The following ZNF83 variants were observed in gnomAD, a reference collection of about 807,000 sequenced individuals.
ZNF83 encodes zinc finger protein 816B.
For synonymous variants in ZNF83, 209 were observed against 213.0 expected, an observed-to-expected ratio of 0.98 and a Z score of 0.17; for missense variants, 552 against 629.9, an observed-to-expected ratio of 0.88 and a Z score of 1.32.
chr19:52,624,050 C>G (rs1273356657), intron 2 of ZNF83, among the ~76,000 whole-genome samples: 1 of 152,138 alleles, frequency 6.6e-6, no homozygotes, highest in Admixed American at 6.5e-5. Context: ...TGGACTGACA[C>G]TGACACTCAT....
rs1283960667 is a variant in ZNF83, at chr19:52,630,663, A to G, written c.-234+4403T>C. 7.9e-5 allele frequency among the ~76,000 whole-genome samples: 12 copies of G among 151,774 alleles called. No homozygotes were observed. In the East Asian group the frequency reaches 2.3e-3, roughly 29 times the overall value. ...CTCTCGTATCCCCCCACCTTAACCC[A>G]CAAGTATGGGACATCTCCACTCCTT... On this transcript the variant is annotated intron_variant, in intron 2 of 2. Coordinates refer to ENST00000301096, the Ensembl canonical transcript of ZNF83.
intron 3 of ZNF83, chr19:52,654,006 A>C: frequency 6.5e-7 from 1 of 1,528,034 alleles, no homozygotes; most frequent in Non-Finnish European, 9.1e-7. Context: ...GCCTACAAGA[A>C]ATTCTTTGGG....
intron 2 of ZNF83, among the ~76,000 whole-genome samples, chr19:52,660,048 G>C (rs1321443996): frequency 1.3e-5 from 2 of 152,016 alleles, no homozygotes; most frequent in Non-Finnish European, 2.9e-5. Flanking sequence ...AAAATTAGCG[G>C]GGTGTGGTGG....
chr19:52,656,331 G>A (rs1045071495), intron 2 of ZNF83, among the ~76,000 whole-genome samples: 2 of 151,812 alleles, frequency 1.3e-5, no homozygotes, highest in Non-Finnish European at 2.9e-5. Context: ...AGACCAACCT[G>A]GGCTACATTG....
chr19:52,670,148 T>G (rs915440540), intron 1 of ZNF83, among the ~76,000 whole-genome samples: 1 of 151,208 alleles, frequency 6.6e-6, no homozygotes, highest in Non-Finnish European at 1.5e-5. Context: ...GATCACCTGC[T>G]CCACCCTGCC....
upstream of ZNF83, among the ~76,000 whole-genome samples, chr19:52,640,997 C>T (rs964007717): frequency 5.9e-5 from 9 of 152,136 alleles, no homozygotes; most frequent in African/African-American, 2.2e-4. Flanking sequence ...CAGCAGGCGA[C>T]ATCTGGGGCC....
chr19:52,646,474 C>T (rs1452637532), intron 3 of ZNF83, among the ~76,000 whole-genome samples: 2 of 152,178 alleles, frequency 1.3e-5, no homozygotes, highest in Non-Finnish European at 1.5e-5. Context: ...ACTTGACCCC[C>T]GGAGGTCAAG....
intron 2 of ZNF83, among the ~76,000 whole-genome samples, chr19:52,656,699 CT>C (rs1464036968): frequency 1.3e-5 from 2 of 151,930 alleles, no homozygotes; most frequent in African/African-American, 4.8e-5. Flanking sequence ...AACACTGACA[CT>C]ATTAAAAACA....
At chr19:52,673,796 C>T (rs1400346972) in intron 1 of ZNF83, among the ~76,000 whole-genome samples, 1 of 150,792 alleles carries the variant, frequency 6.6e-6, no homozygotes, top group African/African-American at 2.4e-5. Flanking sequence ...GGGCCAATCA[C>T]CTCAGGTCAA....
At chr19:52,635,586 AG>A (rs1364722056) in intron 1 of ZNF83, 2 of 152,374 alleles carry the variant, frequency 1.3e-5, no homozygotes, top group African/African-American at 4.8e-5. Context: ...CCAGGCATGA[AG>A]GTACACGTCT....
At chr19:52,636,410 G>T (rs2061149545) in intron 1 of ZNF83, 1 of 152,034 alleles carries the variant, frequency 6.6e-6, no homozygotes, top group Admixed American at 6.6e-5. Flanking sequence ...CTGGGAAAAG[G>T]GAACAGAGTG....
At chr19:52,680,654 C>A (rs1245636998) in intron 1 of ZNF83, among the ~76,000 whole-genome samples, 1 of 134,154 alleles carries the variant, frequency 7.5e-6, no homozygotes. Context: ...GCTCTGTCGC[C>A]CAGGCTGGAG....
intron 1 of ZNF83, among the ~76,000 whole-genome samples, chr19:52,661,263 C>G (rs1385994849): frequency 6.6e-6 from 1 of 152,106 alleles, no homozygotes; most frequent in Non-Finnish European, 1.5e-5. Flanking sequence ...GCCCACTGCA[C>G]CAGAGATCAT....
At chr19:52,677,680 T>C (rs113535171) in intron 1 of ZNF83, among the ~76,000 whole-genome samples, 2 of 135,586 alleles carry the variant, frequency 1.5e-5, no homozygotes, top group Non-Finnish European at 3.1e-5. Context: ...AGTACAGCAA[T>C]GGGGGAGACC....
intron 1 of ZNF83, among the ~76,000 whole-genome samples, chr19:52,670,453 G>C (rs1461081475): frequency 6.6e-6 from 1 of 152,030 alleles, no homozygotes; most frequent in East Asian, 1.9e-4. Flanking sequence ...CTCTGTGAGG[G>C]CACAACCTTC....
In ZNF83 at chr19:52,667,003, G is replaced by A. The variant is rs557348129; in HGVS notation, c.-282-6160C>T. ...TTAAAGTAGTTACAGAATCAGGAAG[G>A]AGGCCACCTATACCACTTCTAAGTT... On this transcript the variant is annotated intron_variant, in intron 1 of 5. Coordinates refer to the ZNF83 transcript ENST00000594682. Among the ~76,000 whole-genome samples the A allele has an allele frequency of 1.2e-4, 18 of 152,316 alleles. No homozygotes were observed. In the South Asian group the frequency reaches 3.5e-3, roughly 30 times the overall value.
intron 1 of ZNF83, among the ~76,000 whole-genome samples, chr19:52,681,962 C>A (rs1406348597): frequency 6.6e-6 from 1 of 152,160 alleles, no homozygotes; most frequent in Non-Finnish European, 1.5e-5. Context: ...ATTCTCCTGC[C>A]TCAGCCTCCC....
chr19:52,685,609 A>G (rs140248920), intron 1 of ZNF83, among the ~76,000 whole-genome samples: 177 of 152,220 alleles, frequency 1.2e-3, no homozygotes, highest in African/African-American at 4.1e-3. Context: ...TCAAGAATAT[A>G]TGGGTGGTCA....
At chr19:52,684,673 G>T (rs2061984357) in intron 1 of ZNF83, among the ~76,000 whole-genome samples, 1 of 152,102 alleles carries the variant, frequency 6.6e-6, no homozygotes, top group Non-Finnish European at 1.5e-5. Flanking sequence ...GGGTGGGAGG[G>T]CATGGGAGAC....
Sources: allele counts gnomAD v4.1 joint callset (sites outside exome capture counted in the v4.1 genomes callset), GRCh38; gene constraint gnomAD v4.1.1; transcripts MANE v1.5; gene names NCBI Gene and HGNC (gene_info 2026-07-23, HGNC 2026-07-21).